Variants in USP47 observed in about 807,000 individuals in gnomAD.
The protein encoded by USP47 is ubiquitin specific peptidase 47, also known as ubiquitin carboxyl-terminal hydrolase 47.
Under a neutral mutation model 165.1 loss-of-function variants are expected in USP47, and 35 were observed. The ratio of observed to expected loss-of-function variants is 0.21; its 90% CI spans 0.16 to 0.28. The LOEUF is 0.28. Ranked by LOEUF, USP47 falls within the 10% of genes least tolerant of loss-of-function variation. The probability of loss-of-function intolerance (pLI) is 1.00; values close to 1 mark genes in which losing one functional copy is unlikely to be tolerated. For synonymous variants in USP47, 531 were observed against 544.5 expected (o/e 0.98, Z 0.35); for missense variants, 1,277 against 1,607.4 (o/e 0.79, Z 3.52).
At chr11:11,870,417 T>A (rs1190993309) in intron 1 of USP47, among the ~76,000 whole-genome samples, 2 of 152,196 alleles carry the variant, frequency 1.3e-5, no homozygotes, top group East Asian at 3.9e-4. Flanking sequence ...GAAAATGTAT[T>A]ATATTTAGCT....
chr11:11,865,586 G>T (rs1849627350), intron 1 of USP47, among the ~76,000 whole-genome samples: 1 of 152,018 alleles, frequency 6.6e-6, no homozygotes, highest in Non-Finnish European at 1.5e-5. Context: ...CCACCAGACT[G>T]TTTTCCACAG....
At chr11:11,905,324 A>T in intron 7 of USP47, 75 bp from the exon 8 acceptor site, 1 of 1,116,982 alleles carries the variant, frequency 9.0e-7, no homozygotes. Flanking sequence ...AAACCATTCT[A>T]AAAAGTGTAG....
intron 23 of USP47, 81 bp downstream of exon 23, chr11:11,950,085 C>T (rs1029327834): frequency 9.5e-7 from 1 of 1,051,610 alleles, no homozygotes; most frequent in Non-Finnish European, 1.4e-6. Flanking sequence ...TTTTCTAAAA[C>T]TAGGAGAATT....
At chr11:11,861,517 G>A (rs945907116) in intron 1 of USP47, among the ~76,000 whole-genome samples, 9 of 152,132 alleles carry the variant, frequency 5.9e-5, no homozygotes, top group African/African-American at 7.2e-5. Flanking sequence ...TTAAAGTTCT[G>A]AAACTTTGCA....
At chr11:11,888,211 A>G (rs1851287818) in intron 3 of USP47, among the ~76,000 whole-genome samples, 1 of 152,148 alleles carries the variant, frequency 6.6e-6, no homozygotes, top group Non-Finnish European at 1.5e-5. Context: ...AATAACCAAA[A>G]TCAGCACAGA....
chr11:11,881,999 C>A (rs1272011404), intron 2 of USP47, among the ~76,000 whole-genome samples: 4 of 152,178 alleles, frequency 2.6e-5, no homozygotes, highest in Admixed American at 2.0e-4. Flanking sequence ...TGGATCTCAT[C>A]TGCGTTATTA....
chr11:11,863,331 A>G (rs1285400727), intron 1 of USP47, among the ~76,000 whole-genome samples: 1 of 152,220 alleles, frequency 6.6e-6, no homozygotes, highest in African/African-American at 2.4e-5. Flanking sequence ...AAACTGAAAA[A>G]AGGCTAAAAA....
chr11:11,857,623 G>A (rs977948713), intron 1 of USP47, among the ~76,000 whole-genome samples: 1 of 152,162 alleles, frequency 6.6e-6, no homozygotes, highest in East Asian at 1.9e-4. Context: ...GGAGCTTAAG[G>A]CCATTTCACG....
intron 4 of USP47, among the ~76,000 whole-genome samples, chr11:11,893,926 C>T (rs1177091654): frequency 6.6e-6 from 1 of 152,088 alleles, no homozygotes; most frequent in African/African-American, 2.4e-5. Flanking sequence ...AGTTATTGTG[C>T]AGCTTTAATG....
intron 15 of USP47, among the ~76,000 whole-genome samples, 157 bp from the exon 16 acceptor site, chr11:11,933,674 G>T (rs1482771113): frequency 6.6e-6 from 1 of 152,006 alleles, no homozygotes; most frequent in Non-Finnish European, 1.5e-5. Flanking sequence ...GACATAACTG[G>T]TGTCAATTAC....
chr11:11,903,622 CTG>C (rs1852364086), intron 7 of USP47, among the ~76,000 whole-genome samples: 1 of 152,050 alleles, frequency 6.6e-6, no homozygotes, highest in Non-Finnish European at 1.5e-5. Context: ...CATTTAAAAA[CTG>C]TATATATGTG....
At chr11:11,903,139 C>A in intron 6 of USP47, 124 bp from the exon 7 acceptor site, 1 of 948,094 alleles carries the variant, frequency 1.1e-6, no homozygotes, top group Non-Finnish European at 1.5e-6. Flanking sequence ...TTCTTATGTT[C>A]TTTTTTAAAT....
intron 4 of USP47, among the ~76,000 whole-genome samples, chr11:11,896,958 G>T (rs1382344538): frequency 6.6e-6 from 1 of 151,944 alleles, no homozygotes; most frequent in Non-Finnish European, 1.5e-5. Context: ...TACAGATGGT[G>T]TGGATACATA....
intron 8 of USP47, among the ~76,000 whole-genome samples, chr11:11,912,248 A>G (rs1243905685): frequency 6.6e-6 from 1 of 152,036 alleles, no homozygotes; most frequent in Non-Finnish European, 1.5e-5. Context: ...ATTGAACATG[A>G]GAAAACAGTA....
chr11:11,922,324 G>C (rs972136131), intron 10 of USP47, among the ~76,000 whole-genome samples: 4 of 151,840 alleles, frequency 2.6e-5, no homozygotes, highest in African/African-American at 9.7e-5. Context: ...TGGACTTTTT[G>C]TTCAAGAAAA....
rs75680134 is a variant in USP47 at position 11,938,895 on chromosome 11, A to G, written c.2193+523A>G. Among the ~76,000 whole-genome samples, 1,348 of 151,868 alleles carry G rather than the reference A, an allele frequency of 8.9e-3. 18 individuals carry two copies. Among genetic ancestry groups the G allele is most frequent in the South Asian group, 0.025 (122 of 4,820 alleles). On this transcript the variant is annotated intron_variant, in intron 18 of 27. Coordinates refer to ENST00000527733, the MANE Select transcript of USP47 (RefSeq NM_001282659.2). ...AGAGATAGAATCTGTAGGACTTGTA[A>G]TTGTTAAATGTTGGGGTAAAGCAGA...
chr11:11,937,219 AATAG>A (rs373941792), intron 17 of USP47, among the ~76,000 whole-genome samples: 1 of 151,946 alleles, frequency 6.6e-6, no homozygotes, highest in African/African-American at 2.4e-5. Context: ...AATTGTAACA[AATAG>A]AAGAAAAGCA....
intron 3 of USP47, among the ~76,000 whole-genome samples, chr11:11,885,549 G>C (rs2134337509): frequency 6.6e-6 from 1 of 152,192 alleles, no homozygotes; most frequent in Non-Finnish European, 1.5e-5. Context: ...CCCCTCAGGA[G>C]CCCACGCCAC....
intron 6 of USP47, 145 bp downstream of exon 6, chr11:11,903,005 AT>A (rs1852325166): frequency 1.4e-5 from 13 of 919,978 alleles, no homozygotes; most frequent in Non-Finnish European, 2.0e-5. Context: ...AACACATTTC[AT>A]AACTCTACAA....
Sources: allele counts gnomAD v4.1 joint callset (sites outside exome capture counted in the v4.1 genomes callset), GRCh38; gene constraint gnomAD v4.1.1; transcripts MANE v1.5; gene names NCBI Gene and HGNC (gene_info 2026-07-23, HGNC 2026-07-21).